Variants in AGR2 observed in about 807,000 individuals in gnomAD.
AGR2 encodes the protein anterior gradient protein 2 homolog.
AGR2 carries 27 observed loss-of-function variants against 25.9 expected under a neutral mutation model. The observed-to-expected ratio is 1.04, with a 90% CI of 0.77 to 1.44. The LOEUF (loss-of-function observed/expected upper bound fraction) is 1.44. Among genes scored for constraint, AGR2 ranks in the 40% most tolerant of loss-of-function variants. The pLI, the probability that AGR2 is intolerant of heterozygous loss-of-function variation, is 0.00. For synonymous variants in AGR2, 78 were observed against 72.0 expected, an observed-to-expected ratio of 1.08 and a Z score of -0.42; for missense variants, 182 against 200.9, an observed-to-expected ratio of 0.91 and a Z score of 0.57.
chr7:16,799,744 A>G lies in AGR2; in HGVS notation c.330T>C (p.Val110=). The stretch of plus-strand genomic sequence containing the variant: ...TAGTAATGATGAAAAGGAAACTTAC[A>G]ACCAGATTGAGGAGGACAAACTGCT... ...LAEQFVLLNL[V]YETTDKHLSP... The change falls in exon 5 of 8, where the codon GTT becomes GTC. Residue 110 remains valine, a splice_region_variant and synonymous_variant. Transcript: ENST00000419304. 1.2e-6 allele frequency: 2 copies of G among 1,610,042 alleles called. No individual in the cohort carries two copies. The highest frequency in any genetic ancestry group is 8.5e-7 in the Non-Finnish European group (1 of 1,177,506).
Position 16,794,924 on chromosome 7 carries a change from G to C in AGR2, c.478+12C>G. On this transcript the variant is annotated intron_variant, in intron 7 of 7. Transcript: ENST00000419304. ...ACTCTTGGGCAACATCCGAATTGAAGGTCACACTTACACAGAGCTGTATCT... is the reference window on the plus strand; with the variant it reads ...ACTCTTGGGCAACATCCGAATTGAACGTCACACTTACACAGAGCTGTATCT... 3 of 1,614,130 alleles carry C rather than the reference G, an allele frequency of 1.9e-6. No homozygotes were observed. The East Asian group carries it at 6.7e-5, about 36-fold the overall frequency.
chr7:16,795,009 C>T lies in AGR2; in HGVS notation c.405G>A (p.Leu135=), dbSNP rs1381675708. Residue 135 remains leucine (L), a synonymous_variant, in exon 7 of 8, where the codon CTG becomes CTA. Coordinates refer to ENST00000419304, the MANE Select transcript of AGR2 (RefSeq NM_006408.4). ...VPRIMFVDPS[L]TVRADITGRY... Reference sequence around the variant, plus strand: ...TTCCAGTGATATCGGCTCTAACTGTCAGAGATGGGTCTGCAAAGATAAATG... The same window carrying T: ...TTCCAGTGATATCGGCTCTAACTGTTAGAGATGGGTCTGCAAAGATAAATG... The T allele has an allele frequency of 6.2e-7, 1 of 1,614,090 alleles. No homozygotes were observed. Among genetic ancestry groups the T allele is most frequent in the Admixed American group, 1.7e-5 (1 of 60,026 alleles).
chr7:16,802,621 A>G (rs1480400770), intron 1 of AGR2, among the ~76,000 whole-genome samples: 1 of 152,208 alleles, frequency 6.6e-6, no homozygotes, highest in Non-Finnish European at 1.5e-5. Flanking sequence ...GCACCATCAT[A>G]AAGTCAAAAA....
chr7:16,803,394 T>C (rs1785182021), intron 1 of AGR2, among the ~76,000 whole-genome samples: 1 of 152,154 alleles, frequency 6.6e-6, no homozygotes, highest in Non-Finnish European at 1.5e-5. Context: ...CACCTAACTC[T>C]AGTATTGGTG....
At chr7:16,799,519 T>G (rs819005) in intron 5 of AGR2, 279,783 of 467,056 alleles carry the variant, frequency 0.6, 84,487 homozygotes, top group East Asian at 0.7. Flanking sequence ...CTACGGGAGA[T>G]AATTTTTCAG....
intron 7 of AGR2, among the ~76,000 whole-genome samples, chr7:16,794,322 G>C (rs763935695): frequency 6.6e-6 from 1 of 152,222 alleles, no homozygotes; most frequent in African/African-American, 2.4e-5. Context: ...ATTGATCAGA[G>C]TTGGTTCCTA....
At chr7:16,793,840 C>T (rs1213066920) in intron 7 of AGR2, among the ~76,000 whole-genome samples, 1 of 152,194 alleles carries the variant, frequency 6.6e-6, no homozygotes, top group Non-Finnish European at 1.5e-5. Flanking sequence ...ATGTGATCTA[C>T]TAAAAATAAG....
intron 1 of AGR2, among the ~76,000 whole-genome samples, chr7:16,802,943 C>T (rs1785175586): frequency 6.6e-6 from 1 of 152,046 alleles, no homozygotes; most frequent in South Asian, 2.1e-4. Flanking sequence ...AGTGATCCTC[C>T]CTCCTCAGCC....
intron 7 of AGR2, among the ~76,000 whole-genome samples, 154 bp from the exon 8 acceptor site, chr7:16,793,111 C>T (rs1201398743): frequency 7.2e-5 from 11 of 152,100 alleles, no homozygotes; most frequent in South Asian, 2.1e-4. Flanking sequence ...TGCAGTGGTG[C>T]AATCTCCACT....
At chr7:16,799,586 T>C (rs1785107562) in intron 5 of AGR2, 158 bp downstream of exon 5, 1 of 552,708 alleles carries the variant, frequency 1.8e-6, no homozygotes, top group East Asian at 2.9e-5. Context: ...GGATTATTAA[T>C]ACAACGAAAT....
chr7:16,797,093 T>G (rs1583806585), intron 6 of AGR2, among the ~76,000 whole-genome samples: 2 of 152,162 alleles, frequency 1.3e-5, no homozygotes, highest in Middle Eastern at 3.4e-3. Context: ...GGCTAATTTT[T>G]TTTTTGTATT....
chr7:16,795,655 T>C (rs1396453612), intron 6 of AGR2, among the ~76,000 whole-genome samples: 1 of 152,210 alleles, frequency 6.6e-6, no homozygotes, highest in Non-Finnish European at 1.5e-5. Flanking sequence ...TGAAGTGATC[T>C]AATTAATGAG....
At chr7:16,799,263 C>T (rs1372070932) in intron 5 of AGR2, among the ~76,000 whole-genome samples, 1 of 152,080 alleles carries the variant, frequency 6.6e-6, no homozygotes, top group East Asian at 1.9e-4. Flanking sequence ...GAAAATGAAA[C>T]ATTTGTATAC....
In AGR2 at chr7:16,797,629, A is replaced by T. The variant is rs1415225269; in HGVS notation, c.394+2T>A. On this transcript the variant is annotated splice_donor_variant, in intron 6 of 7. Transcript: ENST00000419304. LOFTEE classifies it high-confidence loss of function. ...AGTTATCTCACTGTCACTTCCGCTT[A>T]CCAACAAACATAATCCTGGGGACAT... 6.2e-7 allele frequency: 1 copy of T among 1,613,816 alleles called. No homozygotes were observed. Among genetic ancestry groups the T allele is most frequent in the Non-Finnish European group, 8.5e-7 (1 of 1,179,834 alleles).
chr7:16,794,766 G>C (rs1288426976), intron 7 of AGR2, 170 bp downstream of exon 7: 3 of 1,470,662 alleles, frequency 2.0e-6, no homozygotes, highest in Non-Finnish European at 2.7e-6. Context: ...AACCTGAGAT[G>C]GAAAGAGTGT....
Position 16,801,763 on chromosome 7 carries a change from G to A in AGR2, c.34C>T (p.Leu12Phe), listed in dbSNP as rs1437300937. Residue 12 changes from leucine to phenylalanine, a missense_variant, in exon 2 of 8, where the codon CTT (leucine) becomes TTT (phenylalanine). Coordinates refer to ENST00000419304, the MANE Select transcript of AGR2 (RefSeq NM_006408.4). ...GCCAGAGTGTAGGAGAGGGCCACAAGGAGCAAGAATGCTGACACTGGAATT... is the reference window on the plus strand; with the variant it reads ...GCCAGAGTGTAGGAGAGGGCCACAAAGAGCAAGAATGCTGACACTGGAATT... ...EKIPVSAFLLLVALSYTLARD... is the reference protein window; with the variant it reads ...EKIPVSAFLLFVALSYTLARD... 4 of 1,611,574 alleles carry A rather than the reference G, an allele frequency of 2.5e-6. No individual in the cohort carries two copies. Among genetic ancestry groups the A allele is most frequent in the Non-Finnish European group, 3.4e-6 (4 of 1,178,746 alleles).
intron 5 of AGR2, among the ~76,000 whole-genome samples, chr7:16,799,398 G>T (rs558172806): frequency 1.3e-5 from 2 of 152,152 alleles, no homozygotes; most frequent in Non-Finnish European, 2.9e-5. Context: ...CCAGAGAGCT[G>T]TCTCTTCCCA....
At chr7:16,801,537 C>G in intron 2 of AGR2, 121 bp downstream of exon 2, 1 of 1,405,380 alleles carries the variant, frequency 7.1e-7, no homozygotes, top group South Asian at 1.2e-5. Flanking sequence ...AGTGATAAGT[C>G]TAGAAGGAAC....
chr7:16,803,953 G>A (rs1051597523), intron 1 of AGR2, among the ~76,000 whole-genome samples: 2 of 151,524 alleles, frequency 1.3e-5, no homozygotes, highest in African/African-American at 2.4e-5. Flanking sequence ...TAAATTGATG[G>A]TAAGGCATTT....
Sources: allele counts gnomAD v4.1 joint callset (sites outside exome capture counted in the v4.1 genomes callset), GRCh38; gene constraint gnomAD v4.1.1; transcripts MANE v1.5; gene names NCBI Gene and HGNC (gene_info 2026-07-23, HGNC 2026-07-21).